ITGAM: variants seen among roughly 807,000 people sequenced by gnomAD.
ITGAM encodes integrin subunit alpha M.
Under a neutral mutation model 137.5 loss-of-function variants are expected in ITGAM, and 79 were observed. The observed-to-expected ratio is 0.57, with a 90% CI of 0.48 to 0.69. The LOEUF is 0.69. ITGAM is among the 30% of genes least tolerant of loss of function. The probability of loss-of-function intolerance (pLI) is 0.00; values close to 1 mark genes in which losing one functional copy is unlikely to be tolerated. For synonymous variants in ITGAM, 583 were observed against 592.3 expected (o/e 0.98, Z 0.23); for missense variants, 1,343 against 1,483.5 (o/e 0.91, Z 1.56).
chr16:31,303,867 C>T (rs984554492), intron 14 of ITGAM, among the ~76,000 whole-genome samples: 3 of 152,094 alleles, frequency 2.0e-5, no homozygotes, highest in South Asian at 2.1e-4. Flanking sequence ...CATTGGTCGA[C>T]GGGTACCACA....
At chr16:31,270,868 A>G (rs2079831749) in intron 5 of ITGAM, 86 bp from the exon 6 acceptor site, 4 of 815,608 alleles carry the variant, frequency 4.9e-6, no homozygotes, top group South Asian at 9.0e-5. Context: ...CTATATTCTC[A>G]TTGTTCAGCA....
At chr16:31,304,292 G>A (rs1184556039) in intron 14 of ITGAM, among the ~76,000 whole-genome samples, 1 of 151,822 alleles carries the variant, frequency 6.6e-6, no homozygotes. Context: ...CATATCCTTT[G>A]CCTACTTTTT....
At chr16:31,315,664 G>T (rs2080383698) in intron 14 of ITGAM, among the ~76,000 whole-genome samples, 1 of 151,790 alleles carries the variant, frequency 6.6e-6, no homozygotes, top group Non-Finnish European at 1.5e-5. Flanking sequence ...TCACCATGTT[G>T]GCCAGGCTGG....
intron 12 of ITGAM, among the ~76,000 whole-genome samples, chr16:31,284,734 T>C (rs1315875935): frequency 6.6e-6 from 1 of 152,138 alleles, no homozygotes; most frequent in Non-Finnish European, 1.5e-5. Context: ...CCCACTCTCC[T>C]ACAAGCCCCA....
At chr16:31,266,255 G>C in intron 5 of ITGAM, 108 bp downstream of exon 5, 1 of 734,450 alleles carries the variant, frequency 1.4e-6, no homozygotes. Context: ...CAGAAGAGTG[G>C]GGGAACTGGG....
chr16:31,293,160 T>C (rs1409518979), intron 12 of ITGAM, among the ~76,000 whole-genome samples: 1 of 152,196 alleles, frequency 6.6e-6, no homozygotes, highest in Non-Finnish European at 1.5e-5. Flanking sequence ...TATTACACCT[T>C]TGTTGGATGC....
intron 14 of ITGAM, among the ~76,000 whole-genome samples, chr16:31,304,260 C>T (rs545631440): frequency 8.5e-4 from 130 of 152,124 alleles, no homozygotes; most frequent in African/African-American, 2.9e-3. Context: ...ATTTGTATAT[C>T]TTCTTTTGAG....
intron 21 of ITGAM, among the ~76,000 whole-genome samples, chr16:31,326,154 A>G (rs770946757): frequency 6.6e-6 from 1 of 152,166 alleles, no homozygotes; most frequent in Admixed American, 6.5e-5. Context: ...CGTCATCATG[A>G]TCCATTTTGG....
In ITGAM at chr16:31,330,430, G is replaced by T. The variant is rs760325384; in HGVS notation, c.3174+9G>T. On this transcript the variant is annotated intron_variant, in intron 27 of 29. Transcript: ENST00000544665. ...TTGACTGGTACATCAAGGTGTGTGGGGTCCTGAGGCTTCGCCGGGCACAGG... is the reference window on the plus strand; with the variant it reads ...TTGACTGGTACATCAAGGTGTGTGGTGTCCTGAGGCTTCGCCGGGCACAGG... 1.1e-5 allele frequency: 17 copies of T among 1,612,152 alleles called. No homozygotes were observed. In the South Asian group the frequency reaches 1.9e-4, roughly 18 times the overall value.
chr16:31,285,391 A>G (rs548403005), intron 12 of ITGAM, among the ~76,000 whole-genome samples: 3 of 152,284 alleles, frequency 2.0e-5, no homozygotes, highest in Admixed American at 1.3e-4. Flanking sequence ...TGGAAGGCTG[A>G]GGCAGGTGGA....
At chr16:31,275,326 A>G (rs1188936236) in intron 8 of ITGAM, among the ~76,000 whole-genome samples, 1 of 152,226 alleles carries the variant, frequency 6.6e-6, no homozygotes, top group East Asian at 1.9e-4. Context: ...GGCACAGCAG[A>G]TGGATCAGCA....
intron 20 of ITGAM, 23 bp downstream of exon 20, chr16:31,325,427 C>G (rs1188801618): frequency 1.9e-6 from 3 of 1,612,648 alleles, no homozygotes; most frequent in East Asian, 2.2e-5. Context: ...TTCTCAGGCT[C>G]TATCTGACCT....
intron 12 of ITGAM, among the ~76,000 whole-genome samples, chr16:31,294,464 G>A (rs2080114168): frequency 6.6e-6 from 1 of 152,054 alleles, no homozygotes; most frequent in Non-Finnish European, 1.5e-5. Flanking sequence ...TTTTATTAAA[G>A]CCTTCTCTTC....
Position 31,271,046 on chromosome 16 carries a change from T to C in ITGAM, c.520T>C (p.Ser174Pro). 3 of 1,582,272 alleles carry C rather than the reference T, an allele frequency of 1.9e-6. No individual in the cohort carries two copies. The highest frequency in any genetic ancestry group is 2.6e-6 in the Non-Finnish European group (3 of 1,160,878). The change falls in exon 6 of 30, where the codon TCA becomes CCA. Residue 174 changes from serine (S) to proline (P), a missense_variant. Coordinates refer to ENST00000544665, the MANE Select transcript of ITGAM (RefSeq NM_000632.4). Reference sequence around the variant, plus strand: ...CTTTCGGCGGATGAAGGAGTTTGTCTCAACTGTGATGGAGCAATTAAAAAA... The same window carrying C: ...CTTTCGGCGGATGAAGGAGTTTGTCCCAACTGTGATGGAGCAATTAAAAAA... ...HDFRRMKEFVSTVMEQLKKSK... is the reference protein window; with the variant it reads ...HDFRRMKEFVPTVMEQLKKSK...
chr16:31,317,559 T>A (rs73534442), intron 14 of ITGAM, among the ~76,000 whole-genome samples: 1 of 152,240 alleles, frequency 6.6e-6, no homozygotes, highest in Non-Finnish European at 1.5e-5. Flanking sequence ...TTCAGAACTA[T>A]GAGAAATAAA....
At chr16:31,270,851 CG>C in intron 5 of ITGAM, 102 bp from the exon 6 acceptor site, 1 of 521,740 alleles carries the variant, frequency 1.9e-6, no homozygotes, top group Non-Finnish European at 3.1e-6. Flanking sequence ...TTTATAGAGA[CG>C]GGGTCCTATA....
chr16:31,266,267 C>T, intron 5 of ITGAM, 120 bp downstream of exon 5: 1 of 687,176 alleles, frequency 1.5e-6, no homozygotes, highest in Non-Finnish European at 2.5e-6. Flanking sequence ...GGAACTGGGT[C>T]CCATTAGAGT....
intron 12 of ITGAM, among the ~76,000 whole-genome samples, chr16:31,296,106 C>CTTT (rs768920728): frequency 2.7e-4 from 36 of 131,022 alleles, no homozygotes; most frequent in African/African-American, 9.0e-4. Context: ...ATCTTTTTAT[C>CTTT]TTTTTTTTTT....
At chr16:31,270,743 A>ATTTTTTT (rs1475429642) in intron 5 of ITGAM, among the ~76,000 whole-genome samples, 1 of 106,196 alleles carries the variant, frequency 9.4e-6, no homozygotes, top group South Asian at 2.6e-4. Context: ...ATATATATAT[A>ATTTTTTT]TGTTTTTAAC....
Sources: allele counts gnomAD v4.1 joint callset (sites outside exome capture counted in the v4.1 genomes callset), GRCh38; gene constraint gnomAD v4.1.1; transcripts MANE v1.5; gene names NCBI Gene and HGNC (gene_info 2026-07-23, HGNC 2026-07-21).